Variants in PCDHA13 observed in about 807,000 individuals in gnomAD.
The protein encoded by PCDHA13 is protocadherin alpha 13.
Under a neutral mutation model 64.8 loss-of-function variants are expected in PCDHA13, and 54 were observed. That is an observed-to-expected ratio of 0.83 (90% confidence interval 0.67 to 1.04). PCDHA13 has a LOEUF of 1.04. Among genes scored for constraint, PCDHA13 ranks in the 50% least tolerant of loss-of-function variants. PCDHA13 has a pLI of 0.00. For synonymous variants in PCDHA13, 587 were observed against 564.4 expected (o/e 1.04, Z -0.57); for missense variants, 1,248 against 1,254.3 (o/e 0.99, Z 0.08).
At chr5:140,997,062 G>T (rs1159348962) in intron 3 of PCDHA13, among the ~76,000 whole-genome samples, 2 of 151,910 alleles carry the variant, frequency 1.3e-5, no homozygotes, top group African/African-American at 4.8e-5. Flanking sequence ...GCAGTTTTAG[G>T]TTCACAGGAA....
intron 1 of PCDHA13, among the ~76,000 whole-genome samples, chr5:140,977,004 A>C (rs1554238156): frequency 6.6e-6 from 1 of 152,222 alleles, no homozygotes; most frequent in East Asian, 1.9e-4. Flanking sequence ...GAAATCTTGT[A>C]ACTGTGATTC....
chr5:140,920,773 G>A (rs374394320), intron 1 of PCDHA13, among the ~76,000 whole-genome samples: 41 of 151,942 alleles, frequency 2.7e-4, no homozygotes, highest in African/African-American at 9.2e-4. Flanking sequence ...ACACCTGGGA[G>A]GTGGAGGTTG....
chr5:140,966,488 C>G (rs1161799910), intron 1 of PCDHA13: 7 of 440,132 alleles, frequency 1.6e-5, no homozygotes, highest in East Asian at 1.1e-4. Context: ...TTTCCCTCCC[C>G]CTGGAGCTGT....
Position 140,883,552 on chromosome 5 carries a change from G to A in PCDHA13, c.1284G>A (p.Arg428=). 1.2e-6 allele frequency: 2 copies of A among 1,614,234 alleles called. No individual in the cohort carries two copies. The highest frequency in any genetic ancestry group is 1.1e-5 in the South Asian group (1 of 91,088). The change falls in exon 1 of 4, where the codon CGG becomes CGA. Residue 428 remains arginine (R), a synonymous_variant. Coordinates refer to ENST00000289272, the MANE Select transcript of PCDHA13 (RefSeq NM_018904.3). ...CCTATGAACTGGTGGTGACCGCGCG[G>A]GACGGGGGCTCGCCTTCGCTGTGGG... ...VSAYELVVTA[R]DGGSPSLWAT...
At chr5:140,989,437 A>G (rs1330784508) in intron 3 of PCDHA13, among the ~76,000 whole-genome samples, 1 of 152,138 alleles carries the variant, frequency 6.6e-6, no homozygotes, top group East Asian at 1.9e-4. Flanking sequence ...AAAATTGCTG[A>G]GGTTGTTTAG....
intron 1 of PCDHA13, chr5:140,966,857 C>A: frequency 6.3e-7 from 1 of 1,575,742 alleles, no homozygotes; most frequent in Non-Finnish European, 8.6e-7. Flanking sequence ...TCTCCTGCTG[C>A]TGTTGCTGCT....
intron 1 of PCDHA13, chr5:140,966,441 CT>C (rs1165111455): frequency 7.1e-6 from 3 of 424,684 alleles, no homozygotes; most frequent in African/African-American, 4.1e-5. Context: ...CTACCGCTCC[CT>C]TTCCCCCTCC....
intron 1 of PCDHA13, among the ~76,000 whole-genome samples, chr5:140,943,257 CAAAAAAAAAAA>C (rs1238620023): frequency 1.3e-5 from 1 of 77,574 alleles, no homozygotes. Flanking sequence ...GACTCTGTCT[CAAAAAAAAAAA>C]AAAAAAAAAG....
In PCDHA13 at chr5:141,010,369, G is replaced by A. The variant is rs963959073; in HGVS notation, c.*432G>A. The A allele has an allele frequency of 1.8e-4, 270 of 1,474,338 alleles. No homozygotes were observed. The highest frequency in any genetic ancestry group is 7.1e-5 in the Non-Finnish European group (79 of 1,109,414). 91.3% of individuals were successfully genotyped at this position (1,474,338 alleles called of 1,614,324 possible). On this transcript the variant is annotated 3_prime_UTR_variant, in exon 4 of 4. Transcript: ENST00000289272. ...GTATGTGTGGCTACCGCGGGTATGCGAGTGCCAGATATTGGCTGAGACGAG... is the reference window on the plus strand; with the variant it reads ...GTATGTGTGGCTACCGCGGGTATGCAAGTGCCAGATATTGGCTGAGACGAG...
intron 1 of PCDHA13, among the ~76,000 whole-genome samples, chr5:140,976,378 C>T (rs908008970): frequency 6.6e-6 from 1 of 151,926 alleles, no homozygotes; most frequent in Admixed American, 6.6e-5. Context: ...TGGTGAAACC[C>T]CATCTCTACT....
intron 1 of PCDHA13, chr5:140,929,632 C>T: frequency 2.6e-6 from 1 of 387,580 alleles, no homozygotes; most frequent in Admixed American, 4.5e-5. Flanking sequence ...TTATAAGCAA[C>T]AGATGTGTAA....
Position 140,884,609 on chromosome 5 carries a change from G to C in PCDHA13, c.2341G>C (p.Gly781Arg), listed in dbSNP as rs1554181782. The C allele has an allele frequency of 2.5e-6, 4 of 1,614,138 alleles. No individual in the cohort carries two copies. Among genetic ancestry groups the C allele is most frequent in the African/African-American group, 1.3e-5 (1 of 75,068 alleles). The change falls in exon 1 of 4, where the codon GGT becomes CGT. Residue 781 changes from glycine to arginine, a missense_variant. Transcript: ENST00000289272. ...CAGTCCCAGCCTTCCTCCTTGTCTGGGTTCTGCAGAGGGAACAGGCCAGAG... is the reference window on the plus strand; with the variant it reads ...CAGTCCCAGCCTTCCTCCTTGTCTGCGTTCTGCAGAGGGAACAGGCCAGAG... ...AFSPSLPPCL[G>R]SAEGTGQREE...
At chr5:140,969,552 T>A in intron 1 of PCDHA13, 1 of 1,234,382 alleles carries the variant, frequency 8.1e-7, no homozygotes, top group Non-Finnish European at 1.1e-6. Flanking sequence ...CATGAAGCCT[T>A]GTCCATAAAA....
At chr5:140,967,409 C>T (rs1451311967) in intron 1 of PCDHA13, 9 of 1,613,130 alleles carry the variant, frequency 5.6e-6, no homozygotes, top group Non-Finnish European at 7.6e-6. Flanking sequence ...GCGTAAGGGC[C>T]TAGACCGGGA....
chr5:140,926,914 G>A (rs1563085125), intron 1 of PCDHA13: 7 of 1,565,570 alleles, frequency 4.5e-6, no homozygotes, highest in African/African-American at 1.4e-5. Context: ...TGGGGTGGCA[G>A]TTTTATGTTT....
At chr5:140,968,986 A>ATGCTGTGGAGGC (rs782197469) in intron 1 of PCDHA13, 25 of 1,614,206 alleles carry the variant, frequency 1.5e-5, no homozygotes, top group Non-Finnish European at 1.9e-5. Flanking sequence ...ATGGCACTGC[A>ATGCTGTGGAGGC]TGCTGTGGAG....
Position 140,884,030 on chromosome 5 carries a change from G to A in PCDHA13, c.1762G>A (p.Gly588Ser). Reference protein sequence around the residue: ...SELMPRSVGAGHVVAKVRAVD... With the variant: ...SELMPRSVGASHVVAKVRAVD... ...GCTGATGCCGCGGTCGGTGGGTGCA[G>A]GCCACGTGGTGGCGAAGGTGCGCGC... The change falls in exon 1 of 4, where the codon GGC becomes AGC. Residue 588 changes from glycine to serine, a missense_variant. Gly to Ser is a moderately conservative substitution (Grantham distance 56). Transcript: ENST00000289272. The A allele has an allele frequency of 6.2e-7, 1 of 1,613,438 alleles. No homozygotes were observed. The highest frequency in any genetic ancestry group is 8.5e-7 in the Non-Finnish European group (1 of 1,179,704).
At chr5:140,930,778 T>G (rs891094443) in intron 1 of PCDHA13, among the ~76,000 whole-genome samples, 1 of 152,200 alleles carries the variant, frequency 6.6e-6, no homozygotes, top group African/African-American at 2.4e-5. Flanking sequence ...CTTAATATTT[T>G]CACAATATAA....
At chr5:140,914,197 T>G (rs2076637069) in intron 1 of PCDHA13, among the ~76,000 whole-genome samples, 1 of 152,234 alleles carries the variant, frequency 6.6e-6, no homozygotes, top group South Asian at 2.1e-4. Flanking sequence ...ATTATTGTAT[T>G]GTGATCTCTA....
Sources: allele counts gnomAD v4.1 joint callset (sites outside exome capture counted in the v4.1 genomes callset), GRCh38; gene constraint gnomAD v4.1.1; transcripts MANE v1.5; gene names NCBI Gene and HGNC (gene_info 2026-07-23, HGNC 2026-07-21).